ZNF385A: variants seen among roughly 807,000 people sequenced by gnomAD.
ZNF385A encodes zinc finger protein 385A, also known as hematopoietic zinc finger protein.
Under a neutral mutation model 32.1 loss-of-function variants are expected in ZNF385A, and 14 were observed. The ratio of observed to expected loss-of-function variants is 0.44; its 90% CI spans 0.29 to 0.68. The LOEUF is 0.68. ZNF385A is among the 30% of genes least tolerant of loss of function. The probability of loss-of-function intolerance (pLI) is 0.14; values close to 1 mark genes in which losing one functional copy is unlikely to be tolerated. For synonymous variants in ZNF385A, 197 were observed against 202.7 expected, an observed-to-expected ratio of 0.97 and a Z score of 0.24; for missense variants, 406 against 478.4, an observed-to-expected ratio of 0.85 and a Z score of 1.41.
intron 1 of ZNF385A, among the ~76,000 whole-genome samples, chr12:54,383,602 T>C (rs986372903): frequency 4.6e-5 from 7 of 152,142 alleles, no homozygotes; most frequent in Admixed American, 6.5e-5. Context: ...TGCTCAAGAA[T>C]AGACAGTGGC....
upstream of ZNF385A, among the ~76,000 whole-genome samples, chr12:54,387,725 G>T (rs759728245): frequency 1.3e-5 from 2 of 152,330 alleles, no homozygotes; most frequent in Middle Eastern, 3.4e-3. Context: ...GCATGTCACA[G>T]TGAGAACTCA....
Position 54,384,732 on chromosome 12 carries a change from G to A in ZNF385A, c.-218C>T. The A allele has an allele frequency of 1.5e-6, 2 of 1,310,028 alleles. No individual in the cohort carries two copies. Among genetic ancestry groups the A allele is most frequent in the Non-Finnish European group, 1.9e-6 (2 of 1,031,926 alleles). 81.2% of individuals were successfully genotyped at this position (1,310,028 alleles called of 1,614,324 possible). A position where few individuals can be genotyped will look rare whatever the true frequency, so the allele number is the denominator to read the frequency against. ...GCTGGCTCCAGAGCAATGGAGCACA[G>A]TGCCCTGTGGGCCTGGGGGAGGGTG... is the stretch of plus-strand genomic sequence containing the variant. On this transcript the variant is annotated 5_prime_UTR_variant, in exon 1 of 7. Transcript: ENST00000394313.
rs766534126 is a variant in ZNF385A, at chr12:54,371,707, C to G, written c.370G>C (p.Glu124Gln). 39 of 1,611,532 alleles carry G rather than the reference C, an allele frequency of 2.4e-5. No individual in the cohort carries two copies. The South Asian group carries it at 4.2e-4, about 17-fold the overall frequency. Residue 124 changes from glutamate (E) to glutamine (Q), a missense_variant, in exon 4 of 7, where the codon GAG (glutamate) becomes CAG (glutamine). By Grantham distance (29) the Glu-to-Gln change is conservative. Coordinates refer to ENST00000394313, the MANE Select transcript of ZNF385A (RefSeq NM_015481.3). ...DGVAPRPVSM[E>Q]NGLGPAPGSP... is the part of the protein sequence containing the mutation. ...CCTGGGGCTGGCCCCAGTCCATTCT[C>G]CATGGAAACTGTTGTTGGGGGAGAA...
Position 54,370,504 on chromosome 12 carries a change from C to G in ZNF385A, c.871-18G>C. ...AGCGTGCCCTGAAGCGGGCGAAAGG[C>G]GGAGGAAGAGAAGTCACCCGGCGGT... On this transcript the variant is annotated intron_variant, in intron 6 of 6. Coordinates refer to ENST00000394313, the MANE Select transcript of ZNF385A (RefSeq NM_015481.3). The surrounding 1 kb of genome is among the most constrained non-coding windows in gnomAD (Gnocchi z 5.5). 1.9e-6 allele frequency: 3 copies of G among 1,551,006 alleles called. No homozygotes were observed. Among genetic ancestry groups the G allele is most frequent in the Non-Finnish European group, 2.6e-6 (3 of 1,146,780 alleles).
At chr12:54,371,860 T>G in intron 3 of ZNF385A, 145 bp from the exon 4 acceptor site, 1 of 1,211,172 alleles carries the variant, frequency 8.3e-7, no homozygotes, top group Admixed American at 2.7e-5. Flanking sequence ...CATGCCCTGG[T>G]CCAGAGCCAG....
In ZNF385A at chr12:54,384,488, C is replaced by T; in HGVS notation, c.27G>A (p.Gln9=). ...CTGGCTCGAGTGGGAAGGGCAGGAT[C>T]TGCTTGAGGTCCAGTGGGGGCTGCA... MQPPLDLK[Q]ILPFPLEPAP... Residue 9 remains glutamine, a synonymous_variant, in exon 1 of 7, where the codon CAG becomes CAA. Transcript: ENST00000394313. 6.3e-7 allele frequency: 1 copy of T among 1,581,800 alleles called. No homozygotes were observed. Among genetic ancestry groups the T allele is most frequent in the African/African-American group, 1.4e-5 (1 of 73,876 alleles).
At chr12:54,386,736 T>A (rs997070137), upstream of ZNF385A, among the ~76,000 whole-genome samples, 5 of 152,140 alleles carry the variant, frequency 3.3e-5, no homozygotes, top group Admixed American at 3.3e-4. Flanking sequence ...TTTCCCTGGT[T>A]CTAGATTTCT....
At chr12:54,391,252 A>C in exon 1 of ZNF385A, 1 of 1,249,220 alleles carries the variant, frequency 8.0e-7, no homozygotes, top group South Asian at 1.7e-5. Flanking sequence ...CATGCTGGGG[A>C]CCCAGGCGCC....
At chr12:54,372,128 G>A (rs887878453) in intron 3 of ZNF385A, among the ~76,000 whole-genome samples, 1 of 152,238 alleles carries the variant, frequency 6.6e-6, no homozygotes, top group Non-Finnish European at 1.5e-5. Flanking sequence ...GCCCTAGGAA[G>A]GGGCAGAGGC....
chr12:54,379,379 T>C (rs1955020080), intron 1 of ZNF385A, among the ~76,000 whole-genome samples: 1 of 151,950 alleles, frequency 6.6e-6, no homozygotes. Flanking sequence ...AAAGAGCTTG[T>C]TCTGAAGAGA....
chr12:54,381,195 C>CAAAAA (rs57427387), intron 1 of ZNF385A: 1 of 55,992 alleles, frequency 1.8e-5, no homozygotes, highest in Admixed American at 1.6e-4. Flanking sequence ...GACTCTGTCT[C>CAAAAA]AAAAAAAAAA....
rs779071587 is a variant in ZNF385A at position 54,371,588 on chromosome 12, C to T, written c.489G>A (p.Pro163=). The change falls in exon 4 of 7, where the codon CCG becomes CCA. Residue 163 remains proline (P), a synonymous_variant. Coordinates refer to ENST00000394313, the MANE Select transcript of ZNF385A (RefSeq NM_015481.3). The stretch of plus-strand genomic sequence containing the variant: ...CCTTGCTACCCCCAGGCAAGGAAGC[C>T]GGGGCTGGAGTCCCCCCTTCACCCT... ...VTKGEGGTPA[P]ASLPGGSKEE... 6.5e-5 allele frequency: 105 copies of T among 1,613,556 alleles called. No homozygotes were observed. Among genetic ancestry groups the T allele is most frequent in the Admixed American group, 1.0e-4 (6 of 59,958 alleles).
intron 3 of ZNF385A, 37 bp from the exon 4 acceptor site, chr12:54,371,752 T>C (rs756740311): frequency 1.2e-6 from 2 of 1,608,756 alleles, no homozygotes; most frequent in Admixed American, 3.4e-5. Context: ...TCACCCTAGA[T>C]GGCTCTTGGA....
At chr12:54,375,639 C>A (rs1216069240) in intron 2 of ZNF385A, among the ~76,000 whole-genome samples, 1 of 152,196 alleles carries the variant, frequency 6.6e-6, no homozygotes, top group Non-Finnish European at 1.5e-5. Context: ...TGTCAAAATA[C>A]ACAGCAACTT....
chr12:54,384,345 A>T, intron 1 of ZNF385A, 83 bp downstream of exon 1: 1 of 1,433,802 alleles, frequency 7.0e-7, no homozygotes, highest in Non-Finnish European at 9.2e-7. Flanking sequence ...GGAATTAGAA[A>T]CAGAAGAAGA....
intron 1 of ZNF385A, chr12:54,381,236 A>AC (rs1955159978): frequency 6.6e-6 from 1 of 151,850 alleles, no homozygotes; most frequent in Non-Finnish European, 1.5e-5. Flanking sequence ...AAAAAAGAAA[A>AC]AAAAAAACTA....
At chr12:54,375,207 C>CCA (rs1954779681) in intron 2 of ZNF385A, among the ~76,000 whole-genome samples, 3 of 152,126 alleles carry the variant, frequency 2.0e-5, no homozygotes, top group Non-Finnish European at 2.9e-5. Flanking sequence ...CCCTCTAGAG[C>CCA]CACACACACT....
chr12:54,374,016 TG>T lies in ZNF385A; in HGVS notation c.317del (p.Pro106GlnfsTer11). 1 of 1,591,430 alleles carries T rather than the reference TG, an allele frequency of 6.3e-7. No individual in the cohort carries two copies. The highest frequency in any genetic ancestry group is 8.6e-7 in the Non-Finnish European group (1 of 1,165,828). ...CATCCCCATTTGTTGGGGTGCTGCC[TG>T]GGGGAGCTGGGTCTCCAGGTTCTCG... Reference protein sequence around the residue: ...GVREPGDPAPPGSTPTNGDGV... With the variant: ...GVREPGDPAPXGSTPTNGDGV... On this transcript the variant is annotated frameshift_variant, in exon 3 of 7. Transcript: ENST00000394313. LOFTEE classifies it high-confidence loss of function.
chr12:54,382,698 G>T (rs994745514), intron 1 of ZNF385A, among the ~76,000 whole-genome samples: 1 of 152,152 alleles, frequency 6.6e-6, no homozygotes, highest in African/African-American at 2.4e-5. Context: ...ATGGTTTGAT[G>T]TGGGTTATTT....
Sources: gnomAD v4.1 joint callset for allele counts (sites outside exome capture counted in the v4.1 genomes callset) on GRCh38, gnomAD v4.1.1 for gene constraint, Gnocchi (gnomAD v3.1) non-coding constraint, MANE v1.5 for transcripts, NCBI Gene and HGNC (gene_info 2026-07-23, HGNC 2026-07-21) for gene names.